Variants in CHRNA5 observed in about 807,000 individuals in gnomAD.
CHRNA5 encodes cholinergic receptor nicotinic alpha 5 subunit, also known as neuronal acetylcholine receptor subunit alpha-5.
CHRNA5 carries 28 observed loss-of-function variants against 41.2 expected under a neutral mutation model. That is an observed-to-expected ratio of 0.68 (90% confidence interval 0.50 to 0.93). The LOEUF (loss-of-function observed/expected upper bound fraction) is 0.93. Among genes scored for constraint, CHRNA5 ranks in the 40% least tolerant of loss-of-function variants. CHRNA5 has a pLI of 0.00. For missense variants in CHRNA5, 481 were observed against 581.9 expected (o/e 0.83, Z 1.78); for synonymous variants, 188 against 205.8 (o/e 0.91, Z 0.74).
chr15:78,581,284 GAAAAT>G (rs1393428191), intron 2 of CHRNA5, among the ~76,000 whole-genome samples: 2 of 152,120 alleles, frequency 1.3e-5, no homozygotes, highest in African/African-American at 4.8e-5. Context: ...GGAGGGAAAA[GAAAAT>G]AAATTTTTAA....
At chr15:78,582,442 A>C (rs1311189245) in intron 2 of CHRNA5, among the ~76,000 whole-genome samples, 3 of 151,388 alleles carry the variant, frequency 2.0e-5, no homozygotes, top group African/African-American at 7.3e-5. Flanking sequence ...TTGAGATTGC[A>C]CCACTGCACT....
intron 3 of CHRNA5, among the ~76,000 whole-genome samples, chr15:78,587,694 A>G (rs1237782219): frequency 6.6e-6 from 1 of 152,162 alleles, no homozygotes; most frequent in Non-Finnish European, 1.5e-5. Context: ...TCCCTTTTAT[A>G]TAAAGGACTT....
At chr15:78,570,996 C>T (rs746779111) in intron 1 of CHRNA5, among the ~76,000 whole-genome samples, 4 of 152,178 alleles carry the variant, frequency 2.6e-5, no homozygotes, top group Non-Finnish European at 4.4e-5. Flanking sequence ...CCTTGAGAAC[C>T]ACTTCTCTAG....
At chr15:78,589,711 A>C (rs2052992406) in intron 4 of CHRNA5, 94 bp from the exon 5 acceptor site, 1 of 987,366 alleles carries the variant, frequency 1.0e-6, no homozygotes, top group Non-Finnish European at 1.5e-6. Flanking sequence ...TCATGCAATC[A>C]ATGATAGGCC....
intron 2 of CHRNA5, among the ~76,000 whole-genome samples, chr15:78,582,517 G>A (rs2052922742): frequency 6.6e-6 from 1 of 151,600 alleles, no homozygotes; most frequent in Admixed American, 6.6e-5. Flanking sequence ...AAAAAGTAAG[G>A]TGGGTGGGGC....
exon 6 of CHRNA5, chr15:78,595,220 T>C (rs1422120347): frequency 2.2e-6 from 2 of 896,590 alleles, no homozygotes; most frequent in Non-Finnish European, 2.7e-6. Flanking sequence ...ATCCCTCTTA[T>C]ACTACCATTA....
Position 78,580,936 on chromosome 15 carries a change from CT to C in CHRNA5, c.234del (p.Ala79GlnfsTer14). 6.2e-7 allele frequency: 1 copy of C among 1,613,822 alleles called. No homozygotes were observed. Among genetic ancestry groups the C allele is most frequent in the East Asian group, 2.2e-5 (1 of 44,892 alleles). On this transcript the variant is annotated frameshift_variant, in exon 2 of 6. Coordinates refer to ENST00000299565, the Ensembl canonical transcript of CHRNA5. LOFTEE classifies it high-confidence loss of function. Reference sequence around the variant, plus strand: ...TGACAAAATAAAAATAAAATTTGGACTTGCAATATCTCAATTGGTGGATGTG... The same window carrying C: ...TGACAAAATAAAAATAAAATTTGGACTGCAATATCTCAATTGGTGGATGTG...
At chr15:78,572,564 A>C (rs1291250500) in intron 1 of CHRNA5, among the ~76,000 whole-genome samples, 1 of 151,966 alleles carries the variant, frequency 6.6e-6, no homozygotes, top group African/African-American at 2.4e-5. Flanking sequence ...GCTCACTGCA[A>C]CCTCTGCCTC....
intron 1 of CHRNA5, among the ~76,000 whole-genome samples, chr15:78,569,118 A>G (rs1476723349): frequency 2.0e-5 from 3 of 152,230 alleles, no homozygotes; most frequent in Non-Finnish European, 2.9e-5. Context: ...TAAATATGTG[A>G]ACTAGACTGA....
intron 1 of CHRNA5, among the ~76,000 whole-genome samples, chr15:78,567,788 A>G (rs547177886): frequency 6.6e-6 from 1 of 152,354 alleles, no homozygotes; most frequent in African/African-American, 2.4e-5. Flanking sequence ...TTCCACCTTG[A>G]AAATTATAAG....
chr15:78,569,764 G>C (rs2052783535), intron 1 of CHRNA5, among the ~76,000 whole-genome samples: 1 of 151,062 alleles, frequency 6.6e-6, no homozygotes, highest in Non-Finnish European at 1.5e-5. Context: ...TTTAGAATTT[G>C]TTTCTTTAAA....
At chr15:78,583,735 A>G (rs1266135842) in intron 2 of CHRNA5, among the ~76,000 whole-genome samples, 2 of 151,192 alleles carry the variant, frequency 1.3e-5, no homozygotes, top group South Asian at 2.1e-4. Context: ...TTGTTACGGG[A>G]GTAGGGCAGA....
chr15:78,569,486 T>C (rs1413051311), intron 1 of CHRNA5, among the ~76,000 whole-genome samples: 1 of 149,244 alleles, frequency 6.7e-6, no homozygotes, highest in Non-Finnish European at 1.5e-5. Context: ...CAGGTTGGAG[T>C]GCAGTGGTGC....
chr15:78,578,964 A>G (rs941330773), intron 1 of CHRNA5, among the ~76,000 whole-genome samples: 1 of 152,208 alleles, frequency 6.6e-6, no homozygotes, highest in African/African-American at 2.4e-5. Flanking sequence ...TGAGCTCTGT[A>G]GTAGCATAAG....
chr15:78,570,779 C>T (rs899786675), intron 1 of CHRNA5, among the ~76,000 whole-genome samples: 7 of 152,114 alleles, frequency 4.6e-5, no homozygotes, highest in African/African-American at 1.7e-4. Context: ...TTAGGCAAAA[C>T]TCTTTCCTCT....
At position 78,589,329 on chromosome 15, in the gene CHRNA5, T is replaced by C. The variant is rs77514863; in HGVS notation, c.414-476T>C. The stretch of plus-strand genomic sequence containing the variant: ...ATATGAATTCACTTGGTGGGAGAGC[T>C]TGAGAGGCATAGCTGCTTTTCAGGG... On this transcript the variant is annotated intron_variant, in intron 4 of 5. Transcript: ENST00000299565. The C allele has an allele frequency of 3.7e-3, 575 of 153,356 alleles. 19 individuals are homozygous for C. The East Asian group carries it at 0.067, about 18-fold the overall frequency. The allele number at this position is 153,356 out of a possible 1,614,324, so 9.5% of individuals were successfully genotyped here.
chr15:78,580,494 A>G (rs370432941), intron 1 of CHRNA5, among the ~76,000 whole-genome samples: 2 of 24,370 alleles, frequency 8.2e-5, no homozygotes, highest in African/African-American at 1.3e-4. Context: ...GCATATTCCA[A>G]TAGTCAGTCT....
chr15:78,590,338 A>G (rs868388135), exon 5 of CHRNA5: 3 of 1,614,200 alleles, frequency 1.9e-6, no homozygotes, highest in African/African-American at 1.3e-5. Context: ...ATTGGAGAGT[A>G]TCTGGTATTT....
At position 78,590,263 on chromosome 15, in the gene CHRNA5, C is replaced by CT. The variant is rs2052999819; in HGVS notation, c.875dup (p.Leu292PhefsTer9). The CT allele has an allele frequency of 6.2e-7, 1 of 1,613,866 alleles. No homozygotes were observed. Among genetic ancestry groups the CT allele is most frequent in the African/African-American group, 1.3e-5 (1 of 74,942 alleles). On this transcript the variant is annotated frameshift_variant, in exon 5 of 6. Coordinates refer to ENST00000299565, the Ensembl canonical transcript of CHRNA5. LOFTEE classifies it high-confidence loss of function. The stretch of plus-strand genomic sequence containing the variant: ...TGTCTCTGCACTTCAGTACTTGTGT[C>CT]TTTGACTGTCTTCCTTCTGGTTATT...
Sources: allele counts gnomAD v4.1 joint callset (sites outside exome capture counted in the v4.1 genomes callset), GRCh38; gene constraint gnomAD v4.1.1; transcripts MANE v1.5; gene names NCBI Gene and HGNC (gene_info 2026-07-23, HGNC 2026-07-21).